Variants in RIT1 observed in about 807,000 individuals in gnomAD.
RIT1 encodes the protein GTP-binding protein Rit1.
In RIT1, 6 loss-of-function variants were observed where a neutral mutation model predicts 25.6. The ratio of observed to expected loss-of-function variants is 0.23; its 90% CI spans 0.13 to 0.46. The LOEUF (loss-of-function observed/expected upper bound fraction) is 0.46, where lower values mean the gene tolerates loss of function less well. Among genes scored for constraint, RIT1 ranks in the 20% least tolerant of loss-of-function variants. The probability of loss-of-function intolerance (pLI) is 0.99; values close to 1 mark genes in which losing one functional copy is unlikely to be tolerated. For synonymous variants in RIT1, 81 were observed against 94.1 expected, an observed-to-expected ratio of 0.86 and a Z score of 0.80; for missense variants, 219 against 284.4, an observed-to-expected ratio of 0.77 and a Z score of 1.65.
chr1:155,904,047 T>C (rs542388356), intron 5 of RIT1, among the ~76,000 whole-genome samples: 3 of 152,300 alleles, frequency 2.0e-5, no homozygotes, highest in African/African-American at 4.8e-5. Flanking sequence ...CACATGTGCA[T>C]GCACCACTAT....
At chr1:155,906,135 A>C (rs980907679) in intron 3 of RIT1, among the ~76,000 whole-genome samples, 1 of 151,186 alleles carries the variant, frequency 6.6e-6, no homozygotes, top group Non-Finnish European at 1.5e-5. Flanking sequence ...GGTCTAACTG[A>C]CTATTTTCTA....
At chr1:155,911,063 T>C (rs544789160) in intron 1 of RIT1, 180 bp downstream of exon 1, 16 of 818,730 alleles carry the variant, frequency 2.0e-5, no homozygotes, top group South Asian at 5.2e-5. Flanking sequence ...CAAATAAATT[T>C]ACGTCTCGGC....
chr1:155,901,286 G>A (rs1673306928), intron 5 of RIT1, among the ~76,000 whole-genome samples: 1 of 152,118 alleles, frequency 6.6e-6, no homozygotes, highest in Non-Finnish European at 1.5e-5. Context: ...GATTGCTTGA[G>A]CCCAGGAACT....
At chr1:155,905,478 G>A (rs948020012) in intron 3 of RIT1, among the ~76,000 whole-genome samples, 1 of 151,908 alleles carries the variant, frequency 6.6e-6, no homozygotes, top group African/African-American at 2.4e-5. Context: ...GGTATTACAG[G>A]TGTGGGCCAC....
In RIT1 at chr1:155,904,484, G is replaced by T; in HGVS notation, c.256C>A (p.Arg86=). Residue 86 remains arginine, a synonymous_variant, in exon 5 of 6, where the codon CGG becomes AGG. Transcript: ENST00000368323. The stretch of plus-strand genomic sequence containing the variant: ...TCTCCTGCCCTCATATACTGGTCCC[G>T]CATGGCTGTAAACTCTGCCTAGAGG... ...TAGQAEFTAM[R]DQYMRAGEGF... 1 of 1,613,442 alleles carries T rather than the reference G, an allele frequency of 6.2e-7. No individual in the cohort carries two copies. Among genetic ancestry groups the T allele is most frequent in the Non-Finnish European group, 8.5e-7 (1 of 1,179,476 alleles).
At position 155,904,514 on chromosome 1, in the gene RIT1, C is replaced by G. The variant is rs999740208; in HGVS notation, c.238-12G>C. ...GCTGTAAACTCTGCCTAGAGGGAAA[C>G]AAGGGTCATTATGTATTGACGCAAT... is the stretch of plus-strand genomic sequence containing the variant. On this transcript the variant is annotated splice_polypyrimidine_tract_variant and intron_variant, in intron 4 of 5. Transcript: ENST00000368323. 1.9e-6 allele frequency: 3 copies of G among 1,606,974 alleles called. No individual in the cohort carries two copies. The African/African-American group carries it at 4.0e-5, about 21-fold the overall frequency.
chr1:155,904,410 T>C lies in RIT1; in HGVS notation c.330A>G (p.Glu110=). ...YSITDRRSFH[E]VREFKQLIYR... ...AAATAAGCTGTTTAAACTCACGAACTTCATGGAAACTTCGACGATCCGTGA... is the reference window on the plus strand; with the variant it reads ...AAATAAGCTGTTTAAACTCACGAACCTCATGGAAACTTCGACGATCCGTGA... The change falls in exon 5 of 6, where the codon GAA becomes GAG. Residue 110 remains glutamate, a synonymous_variant. Coordinates refer to ENST00000368323, the MANE Select transcript of RIT1 (RefSeq NM_006912.6). The C allele has an allele frequency of 6.2e-7, 1 of 1,614,028 alleles. No homozygotes were observed. The highest frequency in any genetic ancestry group is 2.2e-5 in the East Asian group (1 of 44,888).
At chr1:155,906,532 G>A (rs1375826908) in intron 3 of RIT1, among the ~76,000 whole-genome samples, 5 of 151,854 alleles carry the variant, frequency 3.3e-5, no homozygotes, top group Admixed American at 6.6e-5. Flanking sequence ...AGGCTGAGGC[G>A]GGTGGATCAC....
chr1:155,904,707 TCA>T lies in RIT1; in HGVS notation c.237+22_237+23del, dbSNP rs760720573. The T allele has an allele frequency of 4.0e-5, 62 of 1,566,138 alleles. No homozygotes were observed. The South Asian group carries it at 6.5e-4, about 17-fold the overall frequency. ...TTTGCTAGAGTAAAAAAGCCTTTAC[TCA>T]TAACATTCTGGGATTTAATACCTGT... On this transcript the variant is annotated intron_variant, in intron 4 of 5. Coordinates refer to ENST00000368323, the MANE Select transcript of RIT1 (RefSeq NM_006912.6).
At chr1:155,906,990 C>A (rs1372201641) in intron 3 of RIT1, among the ~76,000 whole-genome samples, 1 of 151,646 alleles carries the variant, frequency 6.6e-6, no homozygotes, top group Non-Finnish European at 1.5e-5. Flanking sequence ...CGCCTGCAGT[C>A]CCAGGTATTT....
rs1017772281 is a variant in RIT1 at position 155,900,274 on chromosome 1, C to T, written c.*114G>A. On this transcript the variant is annotated 3_prime_UTR_variant, in exon 6 of 6. Transcript: ENST00000368323. ...CACATCATTAAAAACTCCTAGTAGG[C>T]ATGTCCCTCTTATCAGTTAAGTGAA... 9 of 725,766 alleles carry T rather than the reference C, an allele frequency of 1.2e-5. No homozygotes were observed. Among genetic ancestry groups the T allele is most frequent in the Non-Finnish European group, 2.1e-5 (9 of 421,524 alleles). 45.0% of individuals were successfully genotyped at this position (725,766 alleles called of 1,614,324 possible).
At chr1:155,904,610 C>T (rs1179174163) in intron 4 of RIT1, 108 bp from the exon 5 acceptor site, 1 of 1,235,800 alleles carries the variant, frequency 8.1e-7, no homozygotes, top group South Asian at 1.3e-5. Context: ...TACCTGCTAT[C>T]CTGAGTCAGA....
Position 155,898,519 on chromosome 1 carries a change from ATATATATATATAT to A in RIT1, c.*1856_*1868del, listed in dbSNP as rs1216299664. 29 of 80,864 alleles carry A rather than the reference ATATATATATATAT, an allele frequency of 3.6e-4. No individual in the cohort carries two copies. The highest frequency in any genetic ancestry group is 1.5e-3 in the African/African-American group (29 of 19,676). The allele number at this position is 80,864 out of a possible 1,614,324, so 5.0% of individuals were successfully genotyped here. ...AAAAAAAAAAAAAAAAAAAAAAAAA[ATATATATATATAT>A]ATATATATATATCTCTTAATGTTAA... On this transcript the variant is annotated 3_prime_UTR_variant, in exon 6 of 6. Coordinates refer to ENST00000368323, the MANE Select transcript of RIT1 (RefSeq NM_006912.6).
intron 3 of RIT1, 43 bp from the exon 4 acceptor site, chr1:155,904,847 G>T: frequency 1.5e-6 from 2 of 1,298,462 alleles, no homozygotes; most frequent in South Asian, 1.2e-5. Flanking sequence ...CATAAATGCC[G>T]GAAGAAATGC....
chr1:155,901,044 AC>A (rs2102581500), intron 5 of RIT1, among the ~76,000 whole-genome samples: 1 of 151,984 alleles, frequency 6.6e-6, no homozygotes, highest in South Asian at 2.1e-4. Context: ...TAAACTCCTG[AC>A]CTCAGGTGAT....
intron 3 of RIT1, among the ~76,000 whole-genome samples, chr1:155,905,278 C>T (rs1394083801): frequency 6.6e-6 from 1 of 151,908 alleles, no homozygotes; most frequent in Non-Finnish European, 1.5e-5. Flanking sequence ...TTCACTGTAG[C>T]CTTGACTTCC....
chr1:155,909,781 G>A (rs1380472079), intron 3 of RIT1, among the ~76,000 whole-genome samples: 1 of 152,024 alleles, frequency 6.6e-6, no homozygotes, highest in Non-Finnish European at 1.5e-5. Flanking sequence ...AATTAGCCGG[G>A]TGTGGTGGCA....
chr1:155,905,300 G>A (rs1444641145), intron 3 of RIT1, among the ~76,000 whole-genome samples: 2 of 151,826 alleles, frequency 1.3e-5, no homozygotes, highest in Non-Finnish European at 2.9e-5. Flanking sequence ...AGGCTCCAGT[G>A]ATTCTCCCAC....
intron 3 of RIT1, among the ~76,000 whole-genome samples, chr1:155,909,096 G>T (rs1239227812): frequency 2.6e-5 from 4 of 151,808 alleles, no homozygotes; most frequent in African/African-American, 7.3e-5. Flanking sequence ...AAATAATAAG[G>T]CCCGGCGCAG....
Sources: allele counts gnomAD v4.1 joint callset (sites outside exome capture counted in the v4.1 genomes callset), GRCh38; gene constraint gnomAD v4.1.1; transcripts MANE v1.5; gene names NCBI Gene and HGNC (gene_info 2026-07-23, HGNC 2026-07-21).